BTBD7: variants seen among roughly 807,000 people sequenced by gnomAD.
BTBD7 encodes the protein BTB domain containing 7.
A neutral mutation model predicts 99.9 loss-of-function variants in BTBD7; 38 were observed. The ratio of observed to expected loss-of-function variants is 0.38; its 90% CI spans 0.29 to 0.50. BTBD7 has a LOEUF of 0.50. Among genes scored for constraint, BTBD7 ranks in the 20% least tolerant of loss-of-function variants. The pLI, the probability that BTBD7 is intolerant of heterozygous loss-of-function variation, is 0.93. For synonymous variants in BTBD7, 520 were observed against 511.4 expected (o/e 1.02, Z -0.23); for missense variants, 1,170 against 1,394.6 (o/e 0.84, Z 2.57).
At chr14:93,331,374 G>C (rs2053404351) in intron 1 of BTBD7, among the ~76,000 whole-genome samples, 2 of 152,114 alleles carry the variant, frequency 1.3e-5, no homozygotes, top group Non-Finnish European at 2.9e-5. Context: ...TCGCCTCTCT[G>C]GGTCTGGTTT....
At position 93,245,870 on chromosome 14, in the gene BTBD7, G is replaced by T; in HGVS notation, c.2538C>A (p.Thr846=). ...QTVAAAAATT[T]STATAAAAAA... ...CTGCTGCTGCTGCTGTTGCTGTTGA[G>T]GTGGTGGTGGCGGCAGCAGCAGCCA... Residue 846 remains threonine (T), a synonymous_variant, in exon 10 of 11, where the codon ACC becomes ACA. Coordinates refer to ENST00000334746, the MANE Select transcript of BTBD7 (RefSeq NM_001002860.4). 1 of 1,613,746 alleles carries T rather than the reference G, an allele frequency of 6.2e-7. No individual in the cohort carries two copies. Among genetic ancestry groups the T allele is most frequent in the Non-Finnish European group, 8.5e-7 (1 of 1,179,842 alleles).
chr14:93,285,920 T>C (rs561069374), intron 3 of BTBD7, among the ~76,000 whole-genome samples: 67 of 152,334 alleles, frequency 4.4e-4, no homozygotes, highest in African/African-American at 1.6e-3. Context: ...ATCTACAGTG[T>C]TGCTGGGAAA....
intron 8 of BTBD7, among the ~76,000 whole-genome samples, chr14:93,250,669 C>A (rs577261234): frequency 6.6e-6 from 1 of 152,226 alleles, no homozygotes; most frequent in South Asian, 2.1e-4. Context: ...TTCTGACCAC[C>A]AGATCATTGT....
At position 93,263,898 on chromosome 14, in the gene BTBD7, G is replaced by A; in HGVS notation, c.1258C>T (p.Arg420Ter). The change falls in exon 4 of 11, where the codon CGA becomes TGA. Residue 420 changes from arginine (R) to a stop codon, truncating the protein, a stop_gained. Transcript: ENST00000334746. LOFTEE classifies it high-confidence loss of function. ...TCACAGAGGAAATGTAAAGCTTGTC[G>A]GTGCACCCATTTAGAGCCATATGGA... Reference protein sequence around the residue: ...SHPYGSKWVHRQALHFLCEEF... With the variant: ...SHPYGSKWVH 6.2e-7 allele frequency: 1 copy of A among 1,614,100 alleles called. No individual in the cohort carries two copies. The highest frequency in any genetic ancestry group is 1.1e-5 in the South Asian group (1 of 91,080).
At chr14:93,248,210 G>A (rs1392714890) in intron 9 of BTBD7, among the ~76,000 whole-genome samples, 1 of 152,166 alleles carries the variant, frequency 6.6e-6, no homozygotes, top group Non-Finnish European at 1.5e-5. Flanking sequence ...TGCCCAGGGT[G>A]GTTAAGTAAC....
intron 1 of BTBD7, among the ~76,000 whole-genome samples, chr14:93,311,202 T>A (rs2053134362): frequency 6.6e-6 from 1 of 152,228 alleles, no homozygotes; most frequent in South Asian, 2.1e-4. Flanking sequence ...TTATTGAAGT[T>A]CAAACTGTCC....
chr14:93,242,958 C>A lies in BTBD7; in HGVS notation c.2714G>T (p.Gly905Val). ...TELSQSVSEA[G>V]PGPPQHLSCI... ...CGACAGATGCTGGGGAGGCCCTGGT[C>A]CTGCTTCAGAAACTGACTGGCTTAA... Residue 905 changes from glycine (G) to valine (V), a missense_variant, in exon 11 of 11, where the codon GGA becomes GTA. Physicochemically the swap from Gly to Val is moderately radical, Grantham distance 109. Coordinates refer to ENST00000334746, the MANE Select transcript of BTBD7 (RefSeq NM_001002860.4). 6.2e-7 allele frequency: 1 copy of A among 1,614,008 alleles called. No individual in the cohort carries two copies. Among genetic ancestry groups the A allele is most frequent in the Non-Finnish European group, 8.5e-7 (1 of 1,180,004 alleles).
chr14:93,300,956 A>G (rs1297873913), intron 1 of BTBD7, among the ~76,000 whole-genome samples: 1 of 151,942 alleles, frequency 6.6e-6, no homozygotes, highest in Non-Finnish European at 1.5e-5. Context: ...CAGAGGGGAA[A>G]AAAAGAGGCA....
intron 3 of BTBD7, among the ~76,000 whole-genome samples, chr14:93,290,215 AT>A (rs565702489): frequency 0.081 from 10,838 of 134,180 alleles, 794 homozygotes; most frequent in African/African-American, 0.21. Flanking sequence ...CTGCCTTTTA[AT>A]TTTTTTTTTT....
At chr14:93,287,270 C>A (rs556946977) in intron 3 of BTBD7, among the ~76,000 whole-genome samples, 1 of 151,142 alleles carries the variant, frequency 6.6e-6, no homozygotes, top group African/African-American at 2.4e-5. Context: ...GTAGTATATG[C>A]TCATCATTTA....
At chr14:93,261,525 G>T in intron 5 of BTBD7, 77 bp downstream of exon 5, 2 of 1,102,966 alleles carry the variant, frequency 1.8e-6, no homozygotes, top group Non-Finnish European at 2.7e-6. Context: ...CAAGACTGAT[G>T]TGCGGCATGC....
At chr14:93,255,202 A>G (rs2052415790) in intron 6 of BTBD7, among the ~76,000 whole-genome samples, 1 of 152,072 alleles carries the variant, frequency 6.6e-6, no homozygotes, top group African/African-American at 2.4e-5. Context: ...CTGGAGGGCA[A>G]TGGCGAGATC....
At position 93,242,443 on chromosome 14, in the gene BTBD7, C is replaced by T. The variant is rs1466193215; in HGVS notation, c.3229G>A (p.Ala1077Thr). The T allele has an allele frequency of 3.7e-6, 6 of 1,614,116 alleles. No homozygotes were observed. The African/African-American group carries it at 4.0e-5, about 11-fold the overall frequency. Residue 1077 changes from alanine to threonine, a missense_variant, in exon 11 of 11, where the codon GCA becomes ACA. Physicochemically the swap from Ala to Thr is moderately conservative, Grantham distance 58. Coordinates refer to ENST00000334746, the MANE Select transcript of BTBD7 (RefSeq NM_001002860.4). Reference protein sequence around the residue: ...GLTPNRPSLSACSSEAPEERS... With the variant: ...GLTPNRPSLSTCSSEAPEERS... ...TCTTCGGGAGCTTCAGAGCTACATGCAGAAAGTGAAGGTCTGTTAGGAGTC... is the reference window on the plus strand; with the variant it reads ...TCTTCGGGAGCTTCAGAGCTACATGTAGAAAGTGAAGGTCTGTTAGGAGTC...
chr14:93,294,744 C>T lies in BTBD7; in HGVS notation c.276G>A (p.Gly92=), dbSNP rs552260003. 6.2e-7 allele frequency: 1 copy of T among 1,613,958 alleles called. No homozygotes were observed. Among genetic ancestry groups the T allele is most frequent in the Non-Finnish European group, 8.5e-7 (1 of 1,179,980 alleles). The change falls in exon 3 of 11, where the codon GGG becomes GGA. Residue 92 remains glycine (G), a synonymous_variant. Coordinates refer to ENST00000334746, the MANE Select transcript of BTBD7 (RefSeq NM_001002860.4). ...HAKQMRELLS[G]WDVRDVNALV... ...ATGCATTGACATCTCTAACATCCCA[C>T]CCAGAGAGGAGTTCTCGCATCTGCT...
rs2052774392 is a variant in BTBD7, at chr14:93,286,134, C to CT, written c.1162+7723dup. On this transcript the variant is annotated intron_variant, in intron 3 of 10. Transcript: ENST00000334746. Reference sequence around the variant, plus strand: ...TTCCACTAGATGTTGCTGCCCCACTCTGCTTCCAGAAAAAATTCTCTATAG... The same window carrying CT: ...TTCCACTAGATGTTGCTGCCCCACTCTTGCTTCCAGAAAAAATTCTCTATAG... Among the ~76,000 whole-genome samples, 3 of 152,332 alleles carry CT rather than the reference C, an allele frequency of 2.0e-5. No homozygotes were observed. In the South Asian group the frequency reaches 6.2e-4, roughly 32 times the overall value.
intron 1 of BTBD7, among the ~76,000 whole-genome samples, chr14:93,303,457 A>AT (rs1468836722): frequency 6.6e-6 from 1 of 152,172 alleles, no homozygotes; most frequent in Non-Finnish European, 1.5e-5. Flanking sequence ...AAAGTTAAAA[A>AT]AAAAAATAAA....
At chr14:93,269,684 C>T (rs1180117334) in intron 3 of BTBD7, among the ~76,000 whole-genome samples, 1 of 152,158 alleles carries the variant, frequency 6.6e-6, no homozygotes, top group Non-Finnish European at 1.5e-5. Flanking sequence ...AAAAACACCG[C>T]TTGAATATTG....
chr14:93,246,686 G>A (rs114082728), intron 9 of BTBD7, among the ~76,000 whole-genome samples: 290 of 152,084 alleles, frequency 1.9e-3, no homozygotes, highest in African/African-American at 6.9e-3. Context: ...ATCTATGCCT[G>A]CTCTGTCTGA....
At chr14:93,253,459 C>A (rs1172319025) in intron 7 of BTBD7, among the ~76,000 whole-genome samples, 188 bp downstream of exon 7, 1 of 152,146 alleles carries the variant, frequency 6.6e-6, no homozygotes, top group African/African-American at 2.4e-5. Flanking sequence ...GTTTTAAAAA[C>A]ATGCTTAATT....
Sources: allele counts gnomAD v4.1 joint callset (sites outside exome capture counted in the v4.1 genomes callset), GRCh38; gene constraint gnomAD v4.1.1; transcripts MANE v1.5; gene names NCBI Gene and HGNC (gene_info 2026-07-23, HGNC 2026-07-21).